The following COL16A1 variants were observed in gnomAD, a reference collection of about 807,000 sequenced individuals.
COL16A1 encodes the protein collagen type XVI alpha 1 chain, also known as collagen alpha-1(XVI) chain.
A neutral mutation model predicts 266.3 loss-of-function variants in COL16A1; 189 were observed. The observed-to-expected ratio is 0.71, with a 90% CI of 0.63 to 0.80. The LOEUF is 0.80. COL16A1 is among the 30% of genes least tolerant of loss of function. The pLI, the probability that COL16A1 is intolerant of heterozygous loss-of-function variation, is 0.00. For missense variants in COL16A1, 1,928 were observed against 2,122.4 expected, an observed-to-expected ratio of 0.91 and a Z score of 1.80; for synonymous variants, 740 against 782.3, an observed-to-expected ratio of 0.95 and a Z score of 0.90.
At chr1:31,679,997 G>T (rs375292290) in intron 40 of COL16A1, 45 bp downstream of exon 40, 27 of 1,609,442 alleles carry the variant, frequency 1.7e-5, no homozygotes, top group Non-Finnish European at 2.0e-5. Context: ...GGCTGAAGCT[G>T]GTCCTCTCCC....
chr1:31,672,352 A>G (rs1204437849), intron 47 of COL16A1, 64 bp downstream of exon 47: 8 of 1,591,098 alleles, frequency 5.0e-6, no homozygotes, highest in South Asian at 1.1e-5. Context: ...GAGGCCCCCA[A>G]GAGGTCTCAA....
chr1:31,653,641 C>T lies in COL16A1; in HGVS notation c.4570G>A (p.Gly1524Ser), dbSNP rs1238623418. The change falls in exon 70 of 71, where the codon GGT becomes AGT. Residue 1524 changes from glycine to serine, a missense_variant. Transcript: ENST00000373672. ...CCATTTTCTCCTGCAATGCCAATAC[C>T]AATGTCCCCTTTTTCACCTTTGGTA... The part of the protein sequence containing the change: ...PGTKGEKGDI[G>S]IGIAGENGLP... 4 of 1,613,934 alleles carry T rather than the reference C, an allele frequency of 2.5e-6. No homozygotes were observed. Among genetic ancestry groups the T allele is most frequent in the Non-Finnish European group, 3.4e-6 (4 of 1,179,922 alleles).
chr1:31,678,129 C>T (rs983433741), intron 42 of COL16A1, among the ~76,000 whole-genome samples: 5 of 151,732 alleles, frequency 3.3e-5, no homozygotes, highest in Non-Finnish European at 1.5e-5. Context: ...AGACTCCCAT[C>T]GGCAACAGTG....
Position 31,685,114 on chromosome 1 carries a change from G to C in COL16A1, c.2017-258C>G, listed in dbSNP as rs1470183625. On this transcript the variant is annotated intron_variant, in intron 29 of 70. Transcript: ENST00000373672. This position sits in a 1 kb window ranked among gnomAD's most constrained non-coding sequence, Gnocchi z 4.0. ...AATGGGGATGATAAAAATAGTATAG[G>C]CTTCTGCCCTGTAGGGATCCTGTGA... Among the ~76,000 whole-genome samples, 2 of 152,156 alleles carry C rather than the reference G, an allele frequency of 1.3e-5. No homozygotes were observed. The highest frequency in any genetic ancestry group is 6.5e-5 in the Admixed American group (1 of 15,274).
At chr1:31,655,578 C>A in intron 66 of COL16A1, 76 bp from the exon 67 acceptor site, 1 of 1,576,518 alleles carries the variant, frequency 6.3e-7, no homozygotes, top group South Asian at 1.2e-5. Flanking sequence ...TCTCCACCCT[C>A]CCACCAGGCC....
At chr1:31,701,586 CAG>C (rs1032692292) in intron 2 of COL16A1, 17 of 985,048 alleles carry the variant, frequency 1.7e-5, no homozygotes, top group Non-Finnish European at 2.4e-6. Context: ...CTGTCTCATC[CAG>C]AGTCTGGGCC....
At chr1:31,691,074 G>A in intron 20 of COL16A1, 114 bp downstream of exon 20, 1 of 1,499,722 alleles carries the variant, frequency 6.7e-7, no homozygotes, top group African/African-American at 1.4e-5. Context: ...TCCTCCAAAG[G>A]CCCGGCCTCC....
intron 59 of COL16A1, 32 bp from the exon 60 acceptor site, chr1:31,661,490 C>T: frequency 1.2e-6 from 2 of 1,614,196 alleles, no homozygotes; most frequent in Non-Finnish European, 1.7e-6. Flanking sequence ...TCTCATGTCC[C>T]TCATGTCAGC....
chr1:31,680,291 G>A (rs998236675), intron 39 of COL16A1, among the ~76,000 whole-genome samples, 190 bp from the exon 40 acceptor site: 2 of 152,174 alleles, frequency 1.3e-5, no homozygotes, highest in South Asian at 4.1e-4. Context: ...TGTAAAATGG[G>A]AACAATAATT....
Position 31,692,312 on chromosome 1 carries a change from C to T in COL16A1, c.1194+162G>A, listed in dbSNP as rs140745437. Among the ~76,000 whole-genome samples the T allele has an allele frequency of 2.8e-3, 396 of 143,574 alleles. 4 individuals carry two copies. The highest frequency in any genetic ancestry group is 0.022 in the East Asian group (97 of 4,464). 94.2% of individuals were successfully genotyped at this position (143,574 alleles called of 152,430 possible). A position where few individuals can be genotyped will look rare whatever the true frequency, so the allele number is the denominator to read the frequency against. On this transcript the variant is annotated intron_variant, in intron 16 of 70. Coordinates refer to ENST00000373672, the MANE Select transcript of COL16A1 (RefSeq NM_001856.4). ...CCTCTAGGTCGGCTGGGTATTTGGA[C>T]GAGGCAGGGTGACTGGGGTGGGGGA...
intron 23 of COL16A1, chr1:31,689,469 T>C (rs1470239043): frequency 1.8e-6 from 1 of 565,460 alleles, no homozygotes; most frequent in Admixed American, 3.1e-5. Context: ...ACAGTAAGGG[T>C]GGGCTCCAGC....
chr1:31,668,083 G>T lies in COL16A1; in HGVS notation c.3303+82C>A. The T allele has an allele frequency of 7.8e-7, 1 of 1,288,876 alleles. No individual in the cohort carries two copies. The highest frequency in any genetic ancestry group is 1.1e-6 in the Non-Finnish European group (1 of 913,326). 79.8% of individuals were successfully genotyped at this position (1,288,876 alleles called of 1,614,324 possible). On this transcript the variant is annotated intron_variant, in intron 51 of 70. Transcript: ENST00000373672. The surrounding 1 kb of genome is among the most constrained non-coding windows in gnomAD (Gnocchi z 5.8). ...GGTAATGGGGAGCCCGCCGAGGGTT[G>T]CCCAGCCTGGCTGTGTCCTGACCAC...
At position 31,698,490 on chromosome 1, in the gene COL16A1, T is replaced by C; in HGVS notation, c.383A>G (p.Tyr128Cys). 1 of 1,614,188 alleles carries C rather than the reference T, an allele frequency of 6.2e-7. No homozygotes were observed. Among genetic ancestry groups the C allele is most frequent in the Non-Finnish European group, 8.5e-7 (1 of 1,180,022 alleles). ...YLFQVTDANG[Y>C]PQISLEVNSQ... ...GGCACAGGGGAGGTTCACCTGTGGA[T>C]ACCCATTTGCATCGGTCACTTGAAA... is the stretch of plus-strand genomic sequence containing the variant. Residue 128 changes from tyrosine to cysteine, a missense_variant, in exon 5 of 71, where the codon TAT (tyrosine) becomes TGT (cysteine). By Grantham distance (194) the Tyr-to-Cys change is radical. Coordinates refer to ENST00000373672, the MANE Select transcript of COL16A1 (RefSeq NM_001856.4). This position sits in a 1 kb window ranked among gnomAD's most constrained non-coding sequence, Gnocchi z 4.1.
chr1:31,662,684 C>CT, intron 56 of COL16A1, 26 bp from the exon 57 acceptor site: 5 of 1,050,162 alleles, frequency 4.8e-6, no homozygotes, highest in Non-Finnish European at 5.4e-6. Context: ...GCCCCCCCCC[C>CT]CCGCCCCACA....
intron 42 of COL16A1, among the ~76,000 whole-genome samples, 198 bp from the exon 43 acceptor site, chr1:31,675,509 G>C (rs557732572): frequency 6.6e-6 from 1 of 152,166 alleles, no homozygotes; most frequent in Non-Finnish European, 1.5e-5. Context: ...GCCCAGAAGA[G>C]CGACCCCCCA....
intron 27 of COL16A1, 52 bp downstream of exon 27, chr1:31,686,191 AG>A (rs748572469): frequency 1.9e-6 from 3 of 1,614,168 alleles, no homozygotes; most frequent in Non-Finnish European, 2.5e-6. Context: ...CATGCCTATC[AG>A]CCCCTCCCAC....
intron 22 of COL16A1, among the ~76,000 whole-genome samples, chr1:31,690,130 T>G (rs1465565482): frequency 6.6e-6 from 1 of 152,200 alleles, no homozygotes; most frequent in Non-Finnish European, 1.5e-5. Flanking sequence ...AGAGAGAAGC[T>G]AATTGATCTG....
At position 31,668,505 on chromosome 1, in the gene COL16A1, G is replaced by A. The variant is rs904837933; in HGVS notation, c.3250-287C>T. Among the ~76,000 whole-genome samples, 2 of 152,180 alleles carry A rather than the reference G, an allele frequency of 1.3e-5. No individual in the cohort carries two copies. Among genetic ancestry groups the A allele is most frequent in the African/African-American group, 4.8e-5 (2 of 41,442 alleles). Reference sequence around the variant, plus strand: ...ATGAGGACCAGGGAAGAGGGGGTGGGCTGGGATGCTGAGTGACAACAGCCG... The same window carrying A: ...ATGAGGACCAGGGAAGAGGGGGTGGACTGGGATGCTGAGTGACAACAGCCG... On this transcript the variant is annotated intron_variant, in intron 50 of 70. Transcript: ENST00000373672. The surrounding 1 kb of genome is among the most constrained non-coding windows in gnomAD (Gnocchi z 5.8).
intron 17 of COL16A1, 57 bp from the exon 18 acceptor site, chr1:31,691,699 AC>A: frequency 6.3e-7 from 1 of 1,577,324 alleles, no homozygotes; most frequent in Non-Finnish European, 8.6e-7. Context: ...GCACCGCCCC[AC>A]TGGGAGAGGT....
Sources: gnomAD v4.1 joint callset for allele counts (sites outside exome capture counted in the v4.1 genomes callset) on GRCh38, gnomAD v4.1.1 for gene constraint, Gnocchi (gnomAD v3.1) non-coding constraint, MANE v1.5 for transcripts, NCBI Gene and HGNC (gene_info 2026-07-23, HGNC 2026-07-21) for gene names.